EXOC6: variants seen among roughly 807,000 people sequenced by gnomAD.
The protein encoded by EXOC6 is SEC15-like 1.
EXOC6 carries 60 observed loss-of-function variants against 112.5 expected under a neutral mutation model. The ratio of observed to expected loss-of-function variants is 0.53; its 90% CI spans 0.43 to 0.66. EXOC6 has a LOEUF of 0.66. EXOC6 is among the 30% of genes least tolerant of loss of function. The pLI, the probability that EXOC6 is intolerant of heterozygous loss-of-function variation, is 0.00. For synonymous variants in EXOC6, 295 were observed against 308.0 expected (o/e 0.96, Z 0.44); for missense variants, 855 against 957.1 (o/e 0.89, Z 1.41).
chr10:92,932,185 A>G (rs564747705), intron 9 of EXOC6, among the ~76,000 whole-genome samples: 1 of 152,294 alleles, frequency 6.6e-6, no homozygotes, highest in East Asian at 1.9e-4. Context: ...AAGTGAAAAA[A>G]ATTCATATGC....
intron 6 of EXOC6, among the ~76,000 whole-genome samples, chr10:92,910,769 A>T (rs1315117442): frequency 6.6e-6 from 1 of 152,120 alleles, no homozygotes; most frequent in Middle Eastern, 3.2e-3. Context: ...CTCTACTAAA[A>T]ATACAAAAAA....
intron 17 of EXOC6, among the ~76,000 whole-genome samples, chr10:92,956,465 A>G (rs927226223): frequency 3.3e-5 from 5 of 152,142 alleles, no homozygotes; most frequent in African/African-American, 1.2e-4. Context: ...AATCACCCCC[A>G]AGATTTTATT....
rs1849678151 is a variant in EXOC6 at position 92,894,974 on chromosome 10, G to C, written c.366G>C (p.Gln122His). ...TEDIIRCRIQ[Q>H]RNITTVVEKL... ...ATATCATTCGATGTAGAATTCAGCAGAGAAATATTACAACTGTAGTAGAAA... is the reference window on the plus strand; with the variant it reads ...ATATCATTCGATGTAGAATTCAGCACAGAAATATTACAACTGTAGTAGAAA... The change falls in exon 4 of 22, where the codon CAG (glutamine) becomes CAC (histidine). Residue 122 changes from glutamine to histidine, a missense_variant. By Grantham distance (24) the Gln-to-His change is conservative (BLOSUM62 0). Transcript: ENST00000260762. 6.2e-7 allele frequency: 1 copy of C among 1,612,756 alleles called. No individual in the cohort carries two copies. Among genetic ancestry groups the C allele is most frequent in the African/African-American group, 1.3e-5 (1 of 74,906 alleles).
At chr10:92,895,169 T>C in intron 4 of EXOC6, 149 bp downstream of exon 4, 1 of 622,844 alleles carries the variant, frequency 1.6e-6, no homozygotes, top group Non-Finnish European at 2.9e-6. Flanking sequence ...GTTCATTTTA[T>C]TCCCTGAATA....
intron 1 of EXOC6, among the ~76,000 whole-genome samples, chr10:92,855,291 A>C (rs1847546684): frequency 6.6e-6 from 1 of 151,850 alleles, no homozygotes; most frequent in Non-Finnish European, 1.5e-5. Flanking sequence ...TGAACTCTGG[A>C]GCTCATGCAG....
At chr10:92,935,679 C>G in intron 11 of EXOC6, 135 bp from the exon 12 acceptor site, 1 of 693,646 alleles carries the variant, frequency 1.4e-6, no homozygotes, top group Non-Finnish European at 2.4e-6. Flanking sequence ...ATCTAACCAA[C>G]CAAAATTTTA....
chr10:92,860,881 C>G (rs1415965746), intron 1 of EXOC6, among the ~76,000 whole-genome samples: 1 of 152,068 alleles, frequency 6.6e-6, no homozygotes, highest in African/African-American at 2.4e-5. Context: ...GTTGCGTCCT[C>G]CTTTTGACTA....
intron 20 of EXOC6, among the ~76,000 whole-genome samples, chr10:93,039,040 C>T (rs12412418): frequency 0.011 from 1,607 of 152,048 alleles, 105 homozygotes; most frequent in Admixed American, 0.092. Context: ...TAAAAAAGGC[C>T]GGTCATGGTG....
chr10:92,915,102 C>G (rs1186094332), intron 6 of EXOC6, among the ~76,000 whole-genome samples: 1 of 152,150 alleles, frequency 6.6e-6, no homozygotes, highest in African/African-American at 2.4e-5. Flanking sequence ...AAGCTTGCAA[C>G]TTGATGTTAT....
At chr10:92,838,748 T>C (rs1835216571) in intron 1 of EXOC6, among the ~76,000 whole-genome samples, 1 of 152,188 alleles carries the variant, frequency 6.6e-6, no homozygotes, top group Non-Finnish European at 1.5e-5. Flanking sequence ...GTGCCTGTGT[T>C]GTCCCAGCAT....
At chr10:92,962,316 G>C (rs1035587064) in intron 17 of EXOC6, among the ~76,000 whole-genome samples, 2 of 151,916 alleles carry the variant, frequency 1.3e-5, no homozygotes, top group South Asian at 4.2e-4. Flanking sequence ...TTTTCACTTG[G>C]GGGTATATGT....
At chr10:92,988,800 T>TACACACACACACACACACACACACACAC (rs67242778) in intron 18 of EXOC6, among the ~76,000 whole-genome samples, 4 of 143,090 alleles carry the variant, frequency 2.8e-5, no homozygotes, top group African/African-American at 1.0e-4. Flanking sequence ...CTACAAAAAA[T>TACACACACACACACACACACACACACAC]ACACACACAC....
chr10:92,912,168 G>A (rs1850823902), intron 6 of EXOC6, among the ~76,000 whole-genome samples: 1 of 151,500 alleles, frequency 6.6e-6, no homozygotes, highest in Non-Finnish European at 1.5e-5. Flanking sequence ...CGGATGGATG[G>A]ACTTGTTATG....
chr10:92,830,543 T>C (rs1458349458), upstream of EXOC6, among the ~76,000 whole-genome samples: 4 of 152,114 alleles, frequency 2.6e-5, no homozygotes, highest in African/African-American at 9.7e-5. Context: ...ACTACTGGCA[T>C]TTCAGGCTGG....
At chr10:92,911,262 C>G (rs1350156333) in intron 6 of EXOC6, among the ~76,000 whole-genome samples, 1 of 152,050 alleles carries the variant, frequency 6.6e-6, no homozygotes, top group Non-Finnish European at 1.5e-5. Context: ...CTAAGTCTTT[C>G]TTACTGGTTG....
intron 8 of EXOC6, among the ~76,000 whole-genome samples, chr10:92,922,559 C>G (rs544506161): frequency 2.6e-5 from 4 of 152,112 alleles, no homozygotes; most frequent in African/African-American, 9.6e-5. Flanking sequence ...GCTCTTTGTC[C>G]GAAATCCTAA....
At chr10:92,976,118 C>A (rs921368130) in intron 18 of EXOC6, among the ~76,000 whole-genome samples, 2 of 151,914 alleles carry the variant, frequency 1.3e-5, no homozygotes, top group African/African-American at 4.8e-5. Flanking sequence ...GCCCGGCCAC[C>A]CCTACTGGGA....
chr10:92,872,973 A>G (rs1169380414), intron 1 of EXOC6, among the ~76,000 whole-genome samples: 1 of 152,136 alleles, frequency 6.6e-6, no homozygotes, highest in Non-Finnish European at 1.5e-5. Flanking sequence ...TCAGTCTGAT[A>G]TTTTTGTTTA....
At chr10:92,945,843 C>T (rs573680416) in intron 13 of EXOC6, among the ~76,000 whole-genome samples, 7 of 152,238 alleles carry the variant, frequency 4.6e-5, no homozygotes, top group South Asian at 2.1e-4. Context: ...TGCCTTTTAA[C>T]GTTTTACTTT....
Sources: gnomAD v4.1 joint callset for allele counts (sites outside exome capture counted in the v4.1 genomes callset) on GRCh38, gnomAD v4.1.1 for gene constraint, MANE v1.5 for transcripts, NCBI Gene and HGNC (gene_info 2026-07-23, HGNC 2026-07-21) for gene names.